PLCE1: variants seen among roughly 807,000 people sequenced by gnomAD.
PLCE1 encodes phospholipase C epsilon 1.
Under a neutral mutation model 242.8 loss-of-function variants are expected in PLCE1, and 119 were observed. The observed-to-expected ratio is 0.49, with a 90% CI of 0.42 to 0.57. The LOEUF (loss-of-function observed/expected upper bound fraction) is 0.57. PLCE1 is among the 20% of genes least tolerant of loss of function. The pLI, the probability that PLCE1 is intolerant of heterozygous loss-of-function variation, is 0.00. For missense variants in PLCE1, 2,441 were observed against 2,788.8 expected, an observed-to-expected ratio of 0.88 and a Z score of 2.81; for synonymous variants, 945 against 1,017.4, an observed-to-expected ratio of 0.93 and a Z score of 1.35.
intron 4 of PLCE1, among the ~76,000 whole-genome samples, chr10:94,182,645 A>G (rs2048350902): frequency 6.7e-6 from 1 of 149,808 alleles, no homozygotes; most frequent in Non-Finnish European, 1.5e-5. Flanking sequence ...TATTTTTTTC[A>G]TTGTTTGCTC....
chr10:94,037,808 C>T (rs555527633), intron 2 of PLCE1, among the ~76,000 whole-genome samples: 14 of 152,258 alleles, frequency 9.2e-5, no homozygotes, highest in Admixed American at 5.9e-4. Context: ...AGCCCTTTGG[C>T]TAAGATTTGG....
chr10:94,022,335 G>A (rs2061388206), intron 1 of PLCE1, among the ~76,000 whole-genome samples: 1 of 151,980 alleles, frequency 6.6e-6, no homozygotes, highest in South Asian at 2.1e-4. Context: ...AACAAAAGAT[G>A]TGTAGACCTC....
rs376786291 is a variant in PLCE1 at position 94,094,183 on chromosome 10, C to T, written c.1207-37991C>T. ...GTCTCGATCTCCTGACCTCGTGATC[C>T]GCCCGCCTCGGCCTCCCAAAGTGCT... On this transcript the variant is annotated intron_variant, in intron 2 of 32. Coordinates refer to ENST00000371380, the MANE Select transcript of PLCE1 (RefSeq NM_016341.4). 9.6e-3 allele frequency among the ~76,000 whole-genome samples: 1,433 copies of T among 148,776 alleles called. 28 individuals are homozygous for T. Among genetic ancestry groups the T allele is most frequent in the Middle Eastern group, 0.044 (13 of 294 alleles).
intron 3 of PLCE1, among the ~76,000 whole-genome samples, chr10:94,170,557 A>G (rs1320767372): frequency 6.6e-6 from 1 of 152,150 alleles, no homozygotes; most frequent in Non-Finnish European, 1.5e-5. Context: ...ATTTAGATAC[A>G]TCTCCTTATT....
At chr10:94,244,707 T>C (rs559853229) in intron 7 of PLCE1, among the ~76,000 whole-genome samples, 1 of 152,308 alleles carries the variant, frequency 6.6e-6, no homozygotes, top group South Asian at 2.1e-4. Context: ...AAATGTCATT[T>C]ATTTTTATTT....
Position 94,326,878 on chromosome 10 carries a change from T to C in PLCE1, c.*25-1090T>C, listed in dbSNP as rs140548591. On this transcript the variant is annotated intron_variant, in intron 32 of 32. Transcript: ENST00000371380. ...AGCTTTGCTTAAAGCTGGGGAGGCC[T>C]GGCCAGGCACAGTGGCTCACGCCTG... Among the ~76,000 whole-genome samples, 109 of 152,322 alleles carry C rather than the reference T, an allele frequency of 7.2e-4. 2 individuals carry two copies. The East Asian group carries it at 0.02, about 27-fold the overall frequency.
At chr10:93,996,414 TTAGGAA>T (rs1228145118) in intron 1 of PLCE1, among the ~76,000 whole-genome samples, 2 of 152,146 alleles carry the variant, frequency 1.3e-5, no homozygotes, top group Admixed American at 6.6e-5. Context: ...AGACAGGTGA[TTAGGAA>T]ACATGGTGCT....
intron 26 of PLCE1, among the ~76,000 whole-genome samples, chr10:94,307,028 G>A (rs761032428): frequency 3.9e-5 from 6 of 152,158 alleles, no homozygotes; most frequent in South Asian, 2.1e-4. Flanking sequence ...CAGAGGGGTC[G>A]GGTGTGGTGG....
intron 4 of PLCE1, among the ~76,000 whole-genome samples, chr10:94,189,117 A>G (rs2048581587): frequency 6.6e-6 from 1 of 151,398 alleles, no homozygotes; most frequent in African/African-American, 2.4e-5. Flanking sequence ...AAGGCTGAAG[A>G]AGTCCAGTCA....
At chr10:94,138,004 G>T (rs2046838648) in intron 3 of PLCE1, 3 of 380,248 alleles carry the variant, frequency 7.9e-6, no homozygotes, top group African/African-American at 4.3e-5. Context: ...ACAGCCAGCA[G>T]GCACAGAGAT....
intron 4 of PLCE1, among the ~76,000 whole-genome samples, chr10:94,183,779 A>C (rs964452901): frequency 1.3e-5 from 2 of 152,162 alleles, no homozygotes; most frequent in African/African-American, 4.8e-5. Flanking sequence ...GAGGTGAAAC[A>C]GGAGGAGGCA....
chr10:94,230,363 C>T (rs962134899), intron 5 of PLCE1, among the ~76,000 whole-genome samples: 5 of 152,066 alleles, frequency 3.3e-5, no homozygotes, highest in African/African-American at 1.2e-4. Flanking sequence ...CTCACCGTGT[C>T]GCCCAGGCTG....
chr10:94,167,929 C>T (rs191986893), intron 3 of PLCE1, among the ~76,000 whole-genome samples: 14 of 152,058 alleles, frequency 9.2e-5, no homozygotes, highest in East Asian at 3.9e-4. Context: ...TCAAGTGATC[C>T]GCCAGCCTCG....
intron 1 of PLCE1, among the ~76,000 whole-genome samples, chr10:93,998,001 G>A (rs180800380): frequency 8.5e-5 from 13 of 152,340 alleles, no homozygotes; most frequent in Admixed American, 2.0e-4. Context: ...TGTTACAGGC[G>A]AGGGCCATTT....
At chr10:94,236,411 C>T (rs892060645) in intron 7 of PLCE1, among the ~76,000 whole-genome samples, 1 of 150,964 alleles carries the variant, frequency 6.6e-6, no homozygotes, top group South Asian at 2.1e-4. Flanking sequence ...TCTAAGAATT[C>T]AACACATTAA....
At chr10:93,994,600 C>A (rs538535338) in intron 1 of PLCE1, among the ~76,000 whole-genome samples, 4 of 152,340 alleles carry the variant, frequency 2.6e-5, no homozygotes, top group African/African-American at 9.6e-5. Context: ...AAGGAAAGTG[C>A]TCAAGAGATT....
Position 94,314,099 on chromosome 10 carries a change from C to G in PLCE1, c.6132+717C>G, listed in dbSNP as rs535167470. Among the ~76,000 whole-genome samples, 12 of 152,316 alleles carry G rather than the reference C, an allele frequency of 7.9e-5. No individual in the cohort carries two copies. The South Asian group carries it at 2.1e-3, about 26-fold the overall frequency. On this transcript the variant is annotated intron_variant, in intron 28 of 32. Coordinates refer to ENST00000371380, the MANE Select transcript of PLCE1 (RefSeq NM_016341.4). Reference sequence around the variant, plus strand: ...AAGGATCTTTGTGGCCTTCTGCAGACAGGTCCCCATCCATGGGGGGACTTC... The same window carrying G: ...AAGGATCTTTGTGGCCTTCTGCAGAGAGGTCCCCATCCATGGGGGGACTTC...
At chr10:94,259,248 T>A (rs969819421) in intron 13 of PLCE1, 98 bp downstream of exon 13, 1 of 1,223,568 alleles carries the variant, frequency 8.2e-7, no homozygotes, top group Non-Finnish European at 1.2e-6. Context: ...TCCCACATAG[T>A]GTGCTATTAC....
chr10:94,165,029 G>A (rs1415661311), intron 3 of PLCE1, among the ~76,000 whole-genome samples: 2 of 152,164 alleles, frequency 1.3e-5, no homozygotes, highest in African/African-American at 4.8e-5. Flanking sequence ...GCCGTGTGAG[G>A]TGTCAGTCTG....
Sources: gnomAD v4.1 joint callset for allele counts (sites outside exome capture counted in the v4.1 genomes callset) on GRCh38, gnomAD v4.1.1 for gene constraint, MANE v1.5 for transcripts, NCBI Gene and HGNC (gene_info 2026-07-23, HGNC 2026-07-21) for gene names.